The following UBXN6 variants were observed in gnomAD, a reference collection of about 807,000 sequenced individuals.
The protein encoded by UBXN6 is UBX domain-containing protein 6.
A neutral mutation model predicts 51.4 loss-of-function variants in UBXN6; 44 were observed. That is an observed-to-expected ratio of 0.86 (90% CI 0.67 to 1.10). UBXN6 has a LOEUF of 1.10. Among genes scored for constraint, UBXN6 ranks in the 50% least tolerant of loss-of-function variants. The pLI is 0.00. For synonymous variants in UBXN6, 316 were observed against 263.2 expected (o/e 1.20, Z -1.94); for missense variants, 672 against 596.1 (o/e 1.13, Z -1.32).
At chr19:4,457,801 A>ATC, upstream of UBXN6, 1 of 409,716 alleles carries the variant, frequency 2.4e-6, no homozygotes. Flanking sequence ...AAATTAAAAA[A>ATC]AAAAAAAAAA....
chr19:4,457,102 A>G (rs900265296), intron 1 of UBXN6, among the ~76,000 whole-genome samples: 6 of 151,716 alleles, frequency 4.0e-5, no homozygotes, highest in African/African-American at 1.5e-4. Context: ...GTCCTCCTCC[A>G]AGCTCAGCTC....
Position 4,453,971 on chromosome 19 carries a change from C to G in UBXN6, c.206G>C (p.Arg69Pro), listed in dbSNP as rs759550086. The G allele has an allele frequency of 1.2e-6, 2 of 1,611,148 alleles. No individual in the cohort carries two copies. The highest frequency in any genetic ancestry group is 1.7e-4 in the Middle Eastern group (1 of 6,050). The change falls in exon 2 of 11, where the codon CGG (arginine) becomes CCG (proline). Residue 69 changes from arginine to proline, a missense_variant. Physicochemically the swap from Arg to Pro is moderately radical, Grantham distance 103 (BLOSUM62 -2). Coordinates refer to ENST00000301281, the MANE Select transcript of UBXN6 (RefSeq NM_025241.3). ...GTCCTGCGATGTGGGGCCCCAGGCC[C>G]GGGACTGCTTCTGCTCCAGCCGGGC... ...ALARLEQKQS[R>P]AWGPTSQDTI...
In UBXN6 at chr19:4,454,228, C is replaced by G. The variant is rs182269512; in HGVS notation, c.84-135G>C. 1.2e-4 allele frequency: 126 copies of G among 1,031,330 alleles called. 1 individual carries two copies. The Admixed American group carries it at 3.5e-3, about 29-fold the overall frequency. 63.9% of individuals were successfully genotyped at this position (1,031,330 alleles called of 1,614,324 possible). ...GTGTCCCTGCCTATGTGGGCCAGGA[C>G]ACCTGGTTCCCAGGGGCCACCTGCA... On this transcript the variant is annotated intron_variant, in intron 1 of 10. Coordinates refer to ENST00000301281, the MANE Select transcript of UBXN6 (RefSeq NM_025241.3).
intron 1 of UBXN6, 107 bp downstream of exon 1, chr19:4,457,508 C>T: frequency 2.0e-6 from 2 of 1,003,476 alleles, no homozygotes; most frequent in Non-Finnish European, 2.7e-6. Context: ...GCGTGCCGCT[C>T]CCAGCCCCTC....
rs200662399 is a variant in UBXN6 at position 4,446,421 on chromosome 19, C to A, written c.921-8G>T. 1.9e-6 allele frequency: 3 copies of A among 1,576,698 alleles called. No individual in the cohort carries two copies. Among genetic ancestry groups the A allele is most frequent in the Non-Finnish European group, 2.6e-6 (3 of 1,167,806 alleles). On this transcript the variant is annotated splice_polypyrimidine_tract_variant and splice_region_variant and intron_variant, in intron 8 of 10. Coordinates refer to ENST00000301281, the MANE Select transcript of UBXN6 (RefSeq NM_025241.3). ...CGCTCCACCGCCTCGGACCTGCACACGCGGGCCAGGTCACGAGGGCTGGCC... is the reference window on the plus strand; with the variant it reads ...CGCTCCACCGCCTCGGACCTGCACAAGCGGGCCAGGTCACGAGGGCTGGCC...
rs1349215589 is a variant in UBXN6, at chr19:4,457,510, C to T, written c.83+105G>A. 8.5e-6 allele frequency: 9 copies of T among 1,054,090 alleles called. No homozygotes were observed. In the African/African-American group the frequency reaches 1.2e-4, roughly 14 times the overall value. 65.3% of individuals were successfully genotyped at this position (1,054,090 alleles called of 1,614,324 possible). A position where few individuals can be genotyped will look rare whatever the true frequency, so the allele number is the denominator to read the frequency against. ...TCCCCTGACCCTCGCGTGCCGCTCC[C>T]AGCCCCTCATCCTCTCCGATCTCCC... On this transcript the variant is annotated intron_variant, in intron 1 of 10. Transcript: ENST00000301281.
chr19:4,449,695 G>A (rs1217604980), intron 4 of UBXN6: 1 of 152,262 alleles, frequency 6.6e-6, no homozygotes. Context: ...AGGGACGAAG[G>A]AACAGCAGCC....
At chr19:4,445,862 T>C in intron 10 of UBXN6, 187 bp downstream of exon 10, 1 of 1,078,580 alleles carries the variant, frequency 9.3e-7, no homozygotes, top group South Asian at 1.6e-5. Context: ...AACTGAGGCG[T>C]GGAGTAGTTA....
chr19:4,447,273 A>G lies in UBXN6; in HGVS notation c.615+277T>C, dbSNP rs867219961. The G allele has an allele frequency of 2.3e-5, 13 of 571,598 alleles. No homozygotes were observed. In the Middle Eastern group the frequency reaches 1.9e-3, roughly 82 times the overall value. 35.4% of individuals were successfully genotyped at this position (571,598 alleles called of 1,614,324 possible). A position where few individuals can be genotyped will look rare whatever the true frequency, so the allele number is the denominator to read the frequency against. On this transcript the variant is annotated intron_variant, in intron 6 of 10. Transcript: ENST00000301281. ...TCTGGTTTGCATGAGAAACCTCCCC[A>G]GAGTCGACATGTTCCCAAACAAGCC...
chr19:4,457,344 G>A (rs1431774012), intron 1 of UBXN6, among the ~76,000 whole-genome samples: 1 of 29,302 alleles, frequency 3.4e-5, no homozygotes, highest in Non-Finnish European at 6.6e-5. Context: ...CCCGCCCCCT[G>A]CGCTAGTTCC....
At chr19:4,446,807 C>G (rs375483349) in intron 7 of UBXN6, 29 bp downstream of exon 7, 1 of 1,613,918 alleles carries the variant, frequency 6.2e-7, no homozygotes, top group Admixed American at 1.7e-5. Context: ...CGTCCCCATT[C>G]CCTACTCAGC....
In UBXN6 at chr19:4,445,286, C is replaced by T. The variant is rs74995992; in HGVS notation, c.*212G>A. ...TTTGTTGGTGTCCCCAGGCCTCTCC[C>T]TCGGGGGCTTGGGCGCATCCCCACA... On this transcript the variant is annotated 3_prime_UTR_variant, in exon 11 of 11. Transcript: ENST00000301281. The T allele has an allele frequency of 6.6e-6, 5 of 752,052 alleles. No individual in the cohort carries two copies. The highest frequency in any genetic ancestry group is 2.7e-5 in the East Asian group (1 of 37,272). The allele number at this position is 752,052 out of a possible 1,614,324, so 46.6% of individuals were successfully genotyped here.
chr19:4,455,816 C>G (rs1202299752), intron 1 of UBXN6, among the ~76,000 whole-genome samples: 1 of 152,138 alleles, frequency 6.6e-6, no homozygotes, highest in Non-Finnish European at 1.5e-5. Flanking sequence ...CAGATTTCCC[C>G]ACAGCTGAGT....
Position 4,446,726 on chromosome 19 carries a change from C to T in UBXN6, c.701-7G>A, listed in dbSNP as rs368642665. ...TAGAACTCCTCGGGGTCCTCTACAG[C>T]GTGGCAGGACATGGGTGTCACTGTG... On this transcript the variant is annotated splice_polypyrimidine_tract_variant and splice_region_variant and intron_variant, in intron 7 of 10. Transcript: ENST00000301281. 2.2e-4 allele frequency: 348 copies of T among 1,607,876 alleles called. 1 individual carries two copies. Among genetic ancestry groups the T allele is most frequent in the South Asian group, 7.4e-4 (67 of 90,550 alleles).
chr19:4,446,213 G>A lies in UBXN6; in HGVS notation c.1052-16C>T. 1 of 1,590,594 alleles carries A rather than the reference G, an allele frequency of 6.3e-7. No individual in the cohort carries two copies. The highest frequency in any genetic ancestry group is 8.5e-7 in the Non-Finnish European group (1 of 1,172,114). On this transcript the variant is annotated splice_polypyrimidine_tract_variant and intron_variant, in intron 9 of 10. Transcript: ENST00000301281. ...TAGAAAGTGCCTGGGGAGTGGGGGAGTCAGAGCGGGTGGGGCCCAGGGCCC... is the reference window on the plus strand; with the variant it reads ...TAGAAAGTGCCTGGGGAGTGGGGGAATCAGAGCGGGTGGGGCCCAGGGCCC...
chr19:4,447,075 A>G, intron 6 of UBXN6, 155 bp from the exon 7 acceptor site: 2 of 671,022 alleles, frequency 3.0e-6, no homozygotes, highest in Admixed American at 2.8e-5. Flanking sequence ...CTGGATGCAA[A>G]CCTGCTTTTC....
Position 4,446,689 on chromosome 19 carries a change from T to A in UBXN6, c.731A>T (p.Glu244Val), listed in dbSNP as rs1222586820. 2 of 1,611,348 alleles carry A rather than the reference T, an allele frequency of 1.2e-6. No individual in the cohort carries two copies. Among genetic ancestry groups the A allele is most frequent in the South Asian group, 2.2e-5 (2 of 90,894 alleles). Residue 244 changes from glutamate to valine, a missense_variant, in exon 8 of 11, where the codon GAG becomes GTG. Transcript: ENST00000301281. ...GCTCTGGGGCTGGGCCAAGGTGGTC[T>A]CGCTCAGCACGTAGAACTCCTCGGG... ...EDPEEFYVLSETTLAQPQSLE... is the reference protein window; with the variant it reads ...EDPEEFYVLSVTTLAQPQSLE...
chr19:4,447,662 A>AGG, intron 5 of UBXN6, 37 bp from the exon 6 acceptor site: 1 of 1,609,710 alleles, frequency 6.2e-7, no homozygotes, highest in Non-Finnish European at 8.5e-7. Context: ...GGCACAGCCC[A>AGG]GGCTGCCCAC....
At chr19:4,456,487 TG>T (rs1227794384) in intron 1 of UBXN6, among the ~76,000 whole-genome samples, 1 of 151,784 alleles carries the variant, frequency 6.6e-6, no homozygotes, top group Non-Finnish European at 1.5e-5. Flanking sequence ...GCTGCCTGGC[TG>T]ACTTCCTCAG....
Sources: gnomAD v4.1 joint callset for allele counts (sites outside exome capture counted in the v4.1 genomes callset) on GRCh38, gnomAD v4.1.1 for gene constraint, MANE v1.5 for transcripts, NCBI Gene and HGNC (gene_info 2026-07-23, HGNC 2026-07-21) for gene names.